RIMS1: variants seen among roughly 807,000 people sequenced by gnomAD.
The protein encoded by RIMS1 is regulating synaptic membrane exocytosis protein 1.
Under a neutral mutation model 214.1 loss-of-function variants are expected in RIMS1, and 83 were observed. The observed-to-expected ratio is 0.39, with a 90% CI of 0.32 to 0.47. The LOEUF is 0.47. RIMS1 is among the 20% of genes least tolerant of loss of function. RIMS1 has a pLI of 0.99. For synonymous variants in RIMS1, 793 were observed against 786.8 expected (o/e 1.01, Z -0.13); for missense variants, 2,050 against 2,161.8 (o/e 0.95, Z 1.03).
At chr6:71,986,697 CATTTGGG>C (rs1258004544) in intron 2 of RIMS1, among the ~76,000 whole-genome samples, 2 of 152,124 alleles carry the variant, frequency 1.3e-5, no homozygotes, top group Non-Finnish European at 2.9e-5. Flanking sequence ...TGAGGGATTC[CATTTGGG>C]ATATTCTAAA....
chr6:72,328,511 A>G (rs1237046933), intron 28 of RIMS1, among the ~76,000 whole-genome samples: 1 of 151,836 alleles, frequency 6.6e-6, no homozygotes. Flanking sequence ...CTATGTACCC[A>G]TGAAATCAAA....
chr6:71,918,585 A>G (rs1273561474), intron 1 of RIMS1, among the ~76,000 whole-genome samples: 1 of 152,202 alleles, frequency 6.6e-6, no homozygotes, highest in Non-Finnish European at 1.5e-5. Context: ...TGACAGGGTC[A>G]TGAGGTTTAA....
intron 4 of RIMS1, among the ~76,000 whole-genome samples, chr6:72,141,215 T>C (rs1254046196): frequency 1.3e-5 from 2 of 151,992 alleles, no homozygotes; most frequent in Non-Finnish European, 2.9e-5. Context: ...TAAAGATTCA[T>C]TGAGAAACTG....
At chr6:72,007,934 C>A (rs2151816118) in intron 2 of RIMS1, among the ~76,000 whole-genome samples, 1 of 152,262 alleles carries the variant, frequency 6.6e-6, no homozygotes, top group Non-Finnish European at 1.5e-5. Context: ...CCCAATCTAG[C>A]AAGGCAGGCC....
intron 2 of RIMS1, among the ~76,000 whole-genome samples, chr6:72,024,900 G>GGT (rs1554193314): frequency 2.0e-5 from 2 of 98,640 alleles, no homozygotes; most frequent in Non-Finnish European, 3.8e-5. Flanking sequence ...AAATCTGTGG[G>GGT]TTTTTTTTTT....
chr6:72,218,281 C>G (rs1369190486), intron 6 of RIMS1, among the ~76,000 whole-genome samples: 13 of 152,084 alleles, frequency 8.5e-5, no homozygotes, highest in Admixed American at 8.5e-4. Flanking sequence ...CACTGGGGCT[C>G]TCTGAAAGTC....
At chr6:72,063,846 G>A (rs745417693) in intron 2 of RIMS1, among the ~76,000 whole-genome samples, 1 of 152,168 alleles carries the variant, frequency 6.6e-6, no homozygotes, top group African/African-American at 2.4e-5. Context: ...AGACTGGATG[G>A]CTTCTGGAAG....
At chr6:71,897,324 A>G (rs1206644348) in intron 1 of RIMS1, among the ~76,000 whole-genome samples, 2 of 152,120 alleles carry the variant, frequency 1.3e-5, no homozygotes, top group African/African-American at 4.8e-5. Context: ...TTGCTGCCAG[A>G]GGAATCTTTC....
chr6:72,066,091 A>G (rs571998182), intron 2 of RIMS1, among the ~76,000 whole-genome samples: 1 of 152,312 alleles, frequency 6.6e-6, no homozygotes, highest in South Asian at 2.1e-4. Context: ...AGGAACTCAG[A>G]TTAAACTAAG....
chr6:72,212,574 G>C (rs920565538), intron 6 of RIMS1, among the ~76,000 whole-genome samples: 2 of 152,100 alleles, frequency 1.3e-5, no homozygotes, highest in Non-Finnish European at 2.9e-5. Context: ...AAGCAGAAGA[G>C]TTAGGTTAAG....
chr6:72,268,754 A>G (rs2081699411), intron 22 of RIMS1, among the ~76,000 whole-genome samples: 1 of 152,082 alleles, frequency 6.6e-6, no homozygotes, highest in Non-Finnish European at 1.5e-5. Context: ...GTTTAGGAGC[A>G]CCTCCATTTC....
chr6:72,069,068 A>G (rs1264297109), intron 2 of RIMS1, among the ~76,000 whole-genome samples: 2 of 152,208 alleles, frequency 1.3e-5, no homozygotes, highest in Admixed American at 6.6e-5. Context: ...CAATTAAAGT[A>G]CACTGGATGT....
intron 6 of RIMS1, among the ~76,000 whole-genome samples, chr6:72,229,308 T>G (rs2061253099): frequency 6.6e-6 from 1 of 151,896 alleles, no homozygotes; most frequent in Non-Finnish European, 1.5e-5. Context: ...ACTAGGCACT[T>G]TGACAATAAT....
chr6:72,172,892 C>T (rs752819032), intron 4 of RIMS1, among the ~76,000 whole-genome samples: 2 of 152,122 alleles, frequency 1.3e-5, no homozygotes, highest in African/African-American at 2.4e-5. Context: ...TCCTCCTGCT[C>T]GAAATTTCTC....
chr6:72,037,010 A>G (rs867111865), intron 2 of RIMS1, among the ~76,000 whole-genome samples: 3 of 152,204 alleles, frequency 2.0e-5, no homozygotes, highest in South Asian at 2.1e-4. Flanking sequence ...TGATTTGTAC[A>G]TATTAAAATG....
chr6:72,057,549 C>CCT (rs1826616278), intron 2 of RIMS1, among the ~76,000 whole-genome samples: 1 of 149,274 alleles, frequency 6.7e-6, no homozygotes, highest in African/African-American at 2.5e-5. Flanking sequence ...GCTCTGTTGC[C>CCT]CAGGCTGGAG....
At chr6:72,095,967 C>G (rs1342985118) in intron 2 of RIMS1, among the ~76,000 whole-genome samples, 1 of 152,202 alleles carries the variant, frequency 6.6e-6, no homozygotes. Flanking sequence ...ATTTTCAAAA[C>G]CAAGACATCC....
Position 72,061,368 on chromosome 6 carries a change from T to C in RIMS1, c.246-35581T>C, listed in dbSNP as rs1189761184. On this transcript the variant is annotated intron_variant, in intron 2 of 33. Coordinates refer to ENST00000521978, the MANE Select transcript of RIMS1 (RefSeq NM_014989.7). ...TATTGAGGCATGACACCAAAAAATTTAATATCCTTTTAGTTACACAGTTAG... is the reference window on the plus strand; with the variant it reads ...TATTGAGGCATGACACCAAAAAATTCAATATCCTTTTAGTTACACAGTTAG... Among the ~76,000 whole-genome samples, 6 of 152,358 alleles carry C rather than the reference T, an allele frequency of 3.9e-5. No individual in the cohort carries two copies. In the East Asian group the frequency reaches 1.2e-3, roughly 29 times the overall value.
intron 24 of RIMS1, 54 bp from the exon 25 acceptor site, chr6:72,290,625 C>T (rs954047482): frequency 6.6e-7 from 1 of 1,509,570 alleles, no homozygotes; most frequent in African/African-American, 1.4e-5. Flanking sequence ...GTGTTGGTAT[C>T]AAAGTTAATG....
Sources: gnomAD v4.1 joint callset for allele counts (sites outside exome capture counted in the v4.1 genomes callset) on GRCh38, gnomAD v4.1.1 for gene constraint, MANE v1.5 for transcripts, NCBI Gene and HGNC (gene_info 2026-07-23, HGNC 2026-07-21) for gene names.